MPP7: variants seen among roughly 807,000 people sequenced by gnomAD.
The protein encoded by MPP7 is MAGUK p55 subfamily member 7.
MPP7 carries 60 observed loss-of-function variants against 76.5 expected under a neutral mutation model. That is an observed-to-expected ratio of 0.78 (90% CI 0.64 to 0.97). MPP7 has a LOEUF of 0.97. MPP7 is among the 50% of genes least tolerant of loss of function. The pLI is 0.00. For synonymous variants in MPP7, 237 were observed against 244.5 expected, an observed-to-expected ratio of 0.97 and a Z score of 0.29; for missense variants, 641 against 694.0, an observed-to-expected ratio of 0.92 and a Z score of 0.86.
intron 10 of MPP7, 76 bp from the exon 11 acceptor site, chr10:28,119,791 T>A (rs1834772569): frequency 8.3e-7 from 1 of 1,203,208 alleles, no homozygotes; most frequent in African/African-American, 1.5e-5. Flanking sequence ...AAATATTTAG[T>A]CTTAAGAAAA....
At chr10:28,125,925 A>G (rs1344448371) in intron 6 of MPP7, among the ~76,000 whole-genome samples, 3 of 152,222 alleles carry the variant, frequency 2.0e-5, no homozygotes, top group Non-Finnish European at 1.5e-5. Context: ...CCTTTTAAGA[A>G]TCTGGCATTG....
intron 16 of MPP7, 131 bp downstream of exon 16, chr10:28,056,349 G>C (rs921113257): frequency 2.5e-5 from 22 of 873,560 alleles, no homozygotes; most frequent in Non-Finnish European, 3.7e-5. Context: ...TGTAGAGATG[G>C]GGTTTCACCA....
chr10:28,123,589 C>T (rs1031933950), intron 8 of MPP7, among the ~76,000 whole-genome samples: 3 of 151,434 alleles, frequency 2.0e-5, no homozygotes, highest in African/African-American at 7.3e-5. Flanking sequence ...CTGCCTCAGC[C>T]TCCCAAGTAG....
rs188282758 is a variant in MPP7, at chr10:28,299,372, T to C, written c.-132+3489A>G. ...GGGAGGCCTGGGGAGAGGAAGAGAG[T>C]TGGGGAATGGCCAGTTGGTGGAGAT... On this transcript the variant is annotated intron_variant, in intron 1 of 16. Transcript: ENST00000683449. Among the ~76,000 whole-genome samples the C allele has an allele frequency of 2.6e-5, 4 of 152,054 alleles. No individual in the cohort carries two copies. In the East Asian group the frequency reaches 7.7e-4, roughly 29 times the overall value.
chr10:28,154,757 G>A (rs1225009267), intron 3 of MPP7, among the ~76,000 whole-genome samples: 1 of 143,544 alleles, frequency 7.0e-6, no homozygotes, highest in Non-Finnish European at 1.5e-5. Flanking sequence ...GGGGGTGGTG[G>A]GGAAACTTGA....
intron 11 of MPP7, among the ~76,000 whole-genome samples, chr10:28,108,676 AATAAAATAAT>A (rs1352834295): frequency 5.1e-4 from 75 of 146,664 alleles, no homozygotes; most frequent in African/African-American, 1.4e-3. Flanking sequence ...AATAAAATAA[AATAAAATAAT>A]ATAAAATAAT....
At chr10:28,197,672 C>A (rs1455962820) in intron 3 of MPP7, among the ~76,000 whole-genome samples, 1 of 152,096 alleles carries the variant, frequency 6.6e-6, no homozygotes, top group East Asian at 1.9e-4. Flanking sequence ...GAGACTGGAG[C>A]CCCCACAGGC....
At chr10:28,164,476 A>G (rs1255206296) in intron 3 of MPP7, among the ~76,000 whole-genome samples, 1 of 152,106 alleles carries the variant, frequency 6.6e-6, no homozygotes, top group Admixed American at 6.5e-5. Flanking sequence ...GGGACTCCAA[A>G]CACAGGTAGG....
intron 11 of MPP7, among the ~76,000 whole-genome samples, chr10:28,094,305 ACAGGGGTTC>A (rs1853460273): frequency 6.6e-6 from 1 of 151,108 alleles, no homozygotes; most frequent in African/African-American, 2.5e-5. Context: ...TGAGGTCGCA[ACAGGGGTTC>A]CATGGGAGCA....
At position 28,141,856 on chromosome 10, in the gene MPP7, T is replaced by C. The variant is rs189652026; in HGVS notation, c.315+5627A>G. ...AGGAATTTGGCCTTAGAAGGTATCA[T>C]GCTACAATTACTAAAACAATAAGAT... is the stretch of plus-strand genomic sequence containing the variant. On this transcript the variant is annotated intron_variant, in intron 5 of 16. Transcript: ENST00000683449. Among the ~76,000 whole-genome samples the C allele has an allele frequency of 1.3e-3, 196 of 152,252 alleles. 1 individual carries two copies. The highest frequency in any genetic ancestry group is 2.0e-3 in the Admixed American group (31 of 15,292).
chr10:28,112,349 C>T (rs185528802), intron 11 of MPP7, among the ~76,000 whole-genome samples: 15 of 151,994 alleles, frequency 9.9e-5, no homozygotes, highest in Non-Finnish European at 1.3e-4. Context: ...AAATACTACA[C>T]CCTCGATTAA....
chr10:28,143,526 A>T (rs1484681751), intron 5 of MPP7, among the ~76,000 whole-genome samples: 1 of 152,186 alleles, frequency 6.6e-6, no homozygotes, highest in Non-Finnish European at 1.5e-5. Context: ...TATGGATTTT[A>T]AAATATTCTT....
chr10:28,181,995 C>T (rs576587158), intron 3 of MPP7, among the ~76,000 whole-genome samples: 1 of 152,318 alleles, frequency 6.6e-6, no homozygotes, highest in South Asian at 2.1e-4. Context: ...GATGCCTTTG[C>T]TTCTGCATTT....
chr10:28,257,507 A>G (rs1015735400), intron 1 of MPP7, among the ~76,000 whole-genome samples: 1 of 148,574 alleles, frequency 6.7e-6, no homozygotes, highest in Non-Finnish European at 1.5e-5. Flanking sequence ...AAAAAACCAA[A>G]CACCGCATAT....
rs762121477 is a variant in MPP7 at position 28,238,610 on chromosome 10, AAGGTGT to A, written c.-12_-7del. 1 of 1,614,152 alleles carries A rather than the reference AAGGTGT, an allele frequency of 6.2e-7. No individual in the cohort carries two copies. The highest frequency in any genetic ancestry group is 8.5e-7 in the Non-Finnish European group (1 of 1,179,982). ...CCCGTTGACAAAGCTGGCATGATGC[AAGGTGT>A]AGGAACAGGTCAGCCCACCGCTCTC... On this transcript the variant is annotated 5_prime_UTR_variant, in exon 2 of 17. Coordinates refer to ENST00000683449, the MANE Select transcript of MPP7 (RefSeq NM_001318170.2).
rs775616676 is a variant in MPP7, at chr10:28,119,698, C to T, written c.905G>A (p.Arg302Gln). The stretch of plus-strand genomic sequence containing the variant: ...CAGGGGCTGAACCAATATTTCTGGT[C>T]GTCTCAAAGCCAATCTCCTGGGAGA... ...HFQERRLALR[R>Q]PEILVQPLKV... The change falls in exon 11 of 17, where the codon CGA becomes CAA. Residue 302 changes from arginine (R) to glutamine (Q), a missense_variant. Arg to Gln is a conservative substitution (Grantham distance 43). Transcript: ENST00000683449. 17 of 1,613,488 alleles carry T rather than the reference C, an allele frequency of 1.1e-5. No individual in the cohort carries two copies. The East Asian group carries it at 1.3e-4, about 13-fold the overall frequency.
At chr10:28,219,499 C>T (rs866218537) in intron 2 of MPP7, among the ~76,000 whole-genome samples, 1 of 152,024 alleles carries the variant, frequency 6.6e-6, no homozygotes, top group African/African-American at 2.4e-5. Context: ...TTGTCATATC[C>T]CTCATAGCTT....
In MPP7 at chr10:28,056,473, T is replaced by C. The variant is rs1387300568; in HGVS notation, c.1551+7A>G. The C allele has an allele frequency of 1.9e-6, 3 of 1,611,084 alleles. No individual in the cohort carries two copies. Among genetic ancestry groups the C allele is most frequent in the East Asian group, 2.2e-5 (1 of 44,684 alleles). ...CACACCTGGCCCCCAAGCATCATTA[T>C]ACTTACTGTGAAGGGTTTTGCAGCA... On this transcript the variant is annotated splice_region_variant and intron_variant, in intron 16 of 16. Transcript: ENST00000683449.
intron 11 of MPP7, among the ~76,000 whole-genome samples, chr10:28,099,886 A>C (rs1346866270): frequency 1.3e-5 from 2 of 151,902 alleles, no homozygotes; most frequent in African/African-American, 4.8e-5. Context: ...AGTCTAGAAA[A>C]CTGCTTCATT....
Sources: allele counts gnomAD v4.1 joint callset (sites outside exome capture counted in the v4.1 genomes callset), GRCh38; gene constraint gnomAD v4.1.1; transcripts MANE v1.5; gene names NCBI Gene and HGNC (gene_info 2026-07-23, HGNC 2026-07-21).